The following TRIM41 variants were observed in gnomAD, a reference collection of about 807,000 sequenced individuals.
TRIM41 encodes the protein E3 ubiquitin-protein ligase TRIM41.
A neutral mutation model predicts 60.6 loss-of-function variants in TRIM41; 21 were observed. That is an observed-to-expected ratio of 0.35 (90% CI 0.25 to 0.50). The LOEUF (loss-of-function observed/expected upper bound fraction) is 0.50, where lower values mean the gene tolerates loss of function less well. TRIM41 is among the 20% of genes least tolerant of loss of function. The probability of loss-of-function intolerance (pLI) is 0.98; values close to 1 mark genes in which losing one functional copy is unlikely to be tolerated. For synonymous variants in TRIM41, 407 were observed against 344.9 expected, an observed-to-expected ratio of 1.18 and a Z score of -2.00; for missense variants, 846 against 868.3, an observed-to-expected ratio of 0.97 and a Z score of 0.32.
At position 181,235,599 on chromosome 5, in the gene TRIM41, C is replaced by A; in HGVS notation, c.*824C>A. The A allele has an allele frequency of 1.5e-6, 1 of 666,128 alleles. No homozygotes were observed. The highest frequency in any genetic ancestry group is 2.5e-6 in the Non-Finnish European group (1 of 396,768). The allele number at this position is 666,128 out of a possible 1,614,324, so 41.3% of individuals were successfully genotyped here. A position where few individuals can be genotyped will look rare whatever the true frequency, so the allele number is the denominator to read the frequency against. On this transcript the variant is annotated 3_prime_UTR_variant, in exon 6 of 6. Coordinates refer to ENST00000315073, the MANE Select transcript of TRIM41 (RefSeq NM_033549.5). Reference sequence around the variant, plus strand: ...GCTTTTCTCCCAGCCCCTTTCCATGCCTTTCACTCCATTTGGCAAGCTCTG... The same window carrying A: ...GCTTTTCTCCCAGCCCCTTTCCATGACTTTCACTCCATTTGGCAAGCTCTG...
Position 181,235,281 on chromosome 5 carries a change from G to C in TRIM41, c.*506G>C. 1 of 1,613,658 alleles carries C rather than the reference G, an allele frequency of 6.2e-7. No homozygotes were observed. On this transcript the variant is annotated 3_prime_UTR_variant, in exon 6 of 6. Transcript: ENST00000315073. ...AGGCTGGGCCAAAGGGTAGAGCTGGGTAATAAATGTCTATTCTCCTGGGGA... is the reference window on the plus strand; with the variant it reads ...AGGCTGGGCCAAAGGGTAGAGCTGGCTAATAAATGTCTATTCTCCTGGGGA...
chr5:181,234,819 G>T lies in TRIM41; in HGVS notation c.*44G>T. ...GGGCCCCTCTGTCAGCACTTGGGGGGTGGGTGGTGGAGGGTGGCCCGTAAG... is the reference window on the plus strand; with the variant it reads ...GGGCCCCTCTGTCAGCACTTGGGGGTTGGGTGGTGGAGGGTGGCCCGTAAG... On this transcript the variant is annotated 3_prime_UTR_variant, in exon 6 of 6. Transcript: ENST00000315073. This position sits in a 1 kb window ranked among gnomAD's most constrained non-coding sequence, Gnocchi z 5.6. 1 of 1,606,296 alleles carries T rather than the reference G, an allele frequency of 6.2e-7. No individual in the cohort carries two copies.
In TRIM41 at chr5:181,234,135, G is replaced by A. The variant is rs529505588; in HGVS notation, c.1292-39G>A. On this transcript the variant is annotated intron_variant, in intron 5 of 5. Transcript: ENST00000315073. This position sits in a 1 kb window ranked among gnomAD's most constrained non-coding sequence, Gnocchi z 5.6. Reference sequence around the variant, plus strand: ...GTTGGCTGCTGACAGGGGAACAGCCGTTCCAGCCCTGGCGTATTTGTCCTC... The same window carrying A: ...GTTGGCTGCTGACAGGGGAACAGCCATTCCAGCCCTGGCGTATTTGTCCTC... The A allele has an allele frequency of 1.8e-4, 286 of 1,602,372 alleles. 1 individual carries two copies. The South Asian group carries it at 2.8e-3, about 15-fold the overall frequency.
Position 181,232,713 on chromosome 5 carries a change from C to G in TRIM41, c.964C>G (p.Arg322Gly), listed in dbSNP as rs1304657851. The G allele has an allele frequency of 5.6e-6, 9 of 1,614,022 alleles. No individual in the cohort carries two copies. The highest frequency in any genetic ancestry group is 2.2e-5 in the East Asian group (1 of 44,896). Residue 322 changes from arginine (R) to glycine (G), a missense_variant, in exon 3 of 6, where the codon CGG becomes GGG. Transcript: ENST00000315073. ...GGCCTCGGAGTTTGGGCGACTGACA[C>G]GGTTTCTGGCTGAAGAGCAGGCAGG... The part of the protein sequence containing the change: ...AVASEFGRLT[R>G]FLAEEQAGLE...
intron 1 of TRIM41, chr5:181,225,210 A>T (rs1433771566): frequency 3.6e-6 from 1 of 278,592 alleles, no homozygotes. Context: ...ACACAGAGAT[A>T]ACTGCTAGTG....
At chr5:181,230,607 A>G (rs1758755212) in intron 1 of TRIM41, 137 bp from the exon 2 acceptor site, 6 of 598,674 alleles carry the variant, frequency 1.0e-5, no homozygotes, top group South Asian at 5.5e-5. Flanking sequence ...GGAGGAAGGT[A>G]TAATACTCAC....
intron 1 of TRIM41, chr5:181,226,644 C>T (rs1262158062): frequency 6.6e-6 from 1 of 152,210 alleles, no homozygotes; most frequent in African/African-American, 2.4e-5. Flanking sequence ...GTTAACCATA[C>T]CCATCATATC....
chr5:181,232,443 TC>T, intron 2 of TRIM41: 1 of 555,122 alleles, frequency 1.8e-6, no homozygotes, highest in Non-Finnish European at 3.1e-6. Context: ...AGAGGAGTGT[TC>T]CAGGCAGAGG....
Position 181,235,354 on chromosome 5 carries a change from A to T in TRIM41, c.*579A>T. The T allele has an allele frequency of 6.2e-7, 1 of 1,614,124 alleles. No homozygotes were observed. The highest frequency in any genetic ancestry group is 1.6e-4 in the Middle Eastern group (1 of 6,062). ...CCGTCCTCAATTTCTACCTCCATAGACCGGCCAGAATTTAGCTTCACTTGA... is the reference window on the plus strand; with the variant it reads ...CCGTCCTCAATTTCTACCTCCATAGTCCGGCCAGAATTTAGCTTCACTTGA... On this transcript the variant is annotated 3_prime_UTR_variant, in exon 6 of 6. Transcript: ENST00000315073.
At chr5:181,230,133 C>T (rs938142746) in intron 1 of TRIM41, 2 of 152,246 alleles carry the variant, frequency 1.3e-5, no homozygotes, top group Admixed American at 6.5e-5. Flanking sequence ...GTGCGGGGCT[C>T]AAGCCACTTC....
At position 181,234,907 on chromosome 5, in the gene TRIM41, C is replaced by T. The variant is rs1239660083; in HGVS notation, c.*132C>T. The T allele has an allele frequency of 6.2e-7, 1 of 1,613,132 alleles. No homozygotes were observed. The highest frequency in any genetic ancestry group is 2.2e-5 in the East Asian group (1 of 44,864). On this transcript the variant is annotated 3_prime_UTR_variant, in exon 6 of 6. Coordinates refer to ENST00000315073, the MANE Select transcript of TRIM41 (RefSeq NM_033549.5). This position sits in a 1 kb window ranked among gnomAD's most constrained non-coding sequence, Gnocchi z 5.6. Reference sequence around the variant, plus strand: ...GTGTTGCTTCCCACTCCCCCTTGACCCCAGGCCCCTGCTTCTCCCTCTAGG... The same window carrying T: ...GTGTTGCTTCCCACTCCCCCTTGACTCCAGGCCCCTGCTTCTCCCTCTAGG...
intron 1 of TRIM41, chr5:181,226,336 C>G (rs1008300538): frequency 5.3e-5 from 8 of 152,196 alleles, no homozygotes; most frequent in African/African-American, 1.9e-4. Flanking sequence ...AATTCCTGAC[C>G]TCAGGTGATC....
At position 181,224,063 on chromosome 5, in the gene TRIM41, A is replaced by C; in HGVS notation, c.64A>C (p.Ile22Leu). 1.2e-6 allele frequency: 2 copies of C among 1,614,242 alleles called. No individual in the cohort carries two copies. Among genetic ancestry groups the C allele is most frequent in the Non-Finnish European group, 8.5e-7 (1 of 1,180,048 alleles). ...CCTTCAGGAGGAGGCGGTGTGCGCC[A>C]TCTGCCTCGATTACTTCACGGACCC... is the stretch of plus-strand genomic sequence containing the variant. Reference protein sequence around the residue: ...QTLQEEAVCAICLDYFTDPVS... With the variant: ...QTLQEEAVCALCLDYFTDPVS... The change falls in exon 1 of 6, where the codon ATC becomes CTC. Residue 22 changes from isoleucine to leucine, a missense_variant. Ile to Leu is a conservative substitution (Grantham distance 5). Transcript: ENST00000315073.
At chr5:181,226,167 T>A (rs1197209680) in intron 1 of TRIM41, 2 of 151,898 alleles carry the variant, frequency 1.3e-5, no homozygotes, top group Admixed American at 6.6e-5. Flanking sequence ...TGCAGTAGCA[T>A]GATCTCGGCT....
chr5:181,234,823 G>A lies in TRIM41; in HGVS notation c.*48G>A. On this transcript the variant is annotated 3_prime_UTR_variant, in exon 6 of 6. Transcript: ENST00000315073. The surrounding 1 kb of genome is among the most constrained non-coding windows in gnomAD (Gnocchi z 5.6). ...CCCTCTGTCAGCACTTGGGGGGTGG[G>A]TGGTGGAGGGTGGCCCGTAAGTTTG... 6.2e-7 allele frequency: 1 copy of A among 1,605,830 alleles called. No individual in the cohort carries two copies. Among genetic ancestry groups the A allele is most frequent in the Non-Finnish European group, 8.5e-7 (1 of 1,175,842 alleles).
rs773599372 is a variant in TRIM41, at chr5:181,234,521, C to T, written c.1639C>T (p.Arg547Trp). ...CCTGCCCCAGCAGCCCCTGCTCCAG[C>T]GGGAAGTGTGGTGCGTGGGCACCAA... The part of the protein sequence containing the change: ...LHLPQQPLLQ[R>W]EVWCVGTNGK... Residue 547 changes from arginine (R) to tryptophan (W), a missense_variant, in exon 6 of 6, where the codon CGG becomes TGG. Physicochemically the swap from Arg to Trp is moderately radical, Grantham distance 101. Coordinates refer to ENST00000315073, the MANE Select transcript of TRIM41 (RefSeq NM_033549.5). The surrounding 1 kb of genome is among the most constrained non-coding windows in gnomAD (Gnocchi z 5.6). 2.4e-5 allele frequency: 38 copies of T among 1,614,008 alleles called. No homozygotes were observed. The highest frequency in any genetic ancestry group is 1.1e-4 in the East Asian group (5 of 44,902).
Position 181,233,659 on chromosome 5 carries a change from C to T in TRIM41, c.1187C>T (p.Pro396Leu), listed in dbSNP as rs1758907633. Reference protein sequence around the residue: ...FNRCEEVQLQPPEVWSPDPCQ... With the variant: ...FNRCEEVQLQLPEVWSPDPCQ... The stretch of plus-strand genomic sequence containing the variant: ...AGGTGTGAAGAGGTACAGCTGCAGC[C>T]CCCAGAGGTCTGGTCCCCTGACCCG... Residue 396 changes from proline (P) to leucine (L), a missense_variant, in exon 5 of 6, where the codon CCC becomes CTC. By Grantham distance (98) the Pro-to-Leu change is moderately conservative (BLOSUM62 -3). Coordinates refer to ENST00000315073, the MANE Select transcript of TRIM41 (RefSeq NM_033549.5). The surrounding 1 kb of genome is among the most constrained non-coding windows in gnomAD (Gnocchi z 4.1). 1.2e-6 allele frequency: 2 copies of T among 1,614,212 alleles called. No individual in the cohort carries two copies. Among genetic ancestry groups the T allele is most frequent in the South Asian group, 1.1e-5 (1 of 91,082 alleles).
Position 181,233,224 on chromosome 5 carries a change from G to A in TRIM41, c.1141-189G>A, listed in dbSNP as rs1312511768. The A allele has an allele frequency of 5.3e-6, 4 of 751,358 alleles. No individual in the cohort carries two copies. The highest frequency in any genetic ancestry group is 2.5e-5 in the East Asian group (1 of 39,322). The allele number at this position is 751,358 out of a possible 1,614,324, so 46.5% of individuals were successfully genotyped here. ...CCCTGGGCTCACAGCAGGATGAGGC[G>A]AGTTAGGTATGGCGAGGCATGGGGT... On this transcript the variant is annotated intron_variant, in intron 3 of 5. Transcript: ENST00000315073. This position sits in a 1 kb window ranked among gnomAD's most constrained non-coding sequence, Gnocchi z 4.1.
At chr5:181,227,781 T>C (rs1189080229) in intron 1 of TRIM41, 1 of 152,180 alleles carries the variant, frequency 6.6e-6, no homozygotes, top group Non-Finnish European at 1.5e-5. Context: ...TCCTGAACAG[T>C]TACATGTTTG....
Sources: allele counts gnomAD v4.1 joint callset, GRCh38; gene constraint gnomAD v4.1.1; non-coding constraint Gnocchi (gnomAD v3.1); transcripts MANE v1.5; gene names NCBI Gene and HGNC (gene_info 2026-07-23, HGNC 2026-07-21).